CSRNP3: variants seen among roughly 807,000 people sequenced by gnomAD.
The protein encoded by CSRNP3 is cysteine and serine rich nuclear protein 3.
A neutral mutation model predicts 48.0 loss-of-function variants in CSRNP3; 12 were observed. That is an observed-to-expected ratio of 0.25 (90% CI 0.16 to 0.41). The LOEUF (loss-of-function observed/expected upper bound fraction) is 0.41, where lower values mean the gene tolerates loss of function less well. CSRNP3 is among the 10% of genes least tolerant of loss of function. The pLI is 1.00. For missense variants in CSRNP3, 580 were observed against 724.4 expected, an observed-to-expected ratio of 0.80 and a Z score of 2.29; for synonymous variants, 263 against 269.7, an observed-to-expected ratio of 0.98 and a Z score of 0.24.
intron 5 of CSRNP3, among the ~76,000 whole-genome samples, chr2:165,661,952 C>A (rs1402158519): frequency 6.6e-6 from 1 of 152,094 alleles, no homozygotes; most frequent in Admixed American, 6.6e-5. Flanking sequence ...AGAAGAAGTT[C>A]CTCTTTCCAC....
At position 165,534,105 on chromosome 2, in the gene CSRNP3, G is replaced by T. The variant is rs549693531; in HGVS notation, c.-24+16144G>T. Among the ~76,000 whole-genome samples, 37 of 152,130 alleles carry T rather than the reference G, an allele frequency of 2.4e-4. No individual in the cohort carries two copies. In the East Asian group the frequency reaches 6.5e-3, roughly 27 times the overall value. ...GAAATTTATCATCTCATCAAAGGTTGTATTGCTTTCTCAAGTAAAGGAAAT... is the reference window on the plus strand; with the variant it reads ...GAAATTTATCATCTCATCAAAGGTTTTATTGCTTTCTCAAGTAAAGGAAAT... On this transcript the variant is annotated intron_variant, in intron 3 of 6. Transcript: ENST00000651982.
chr2:165,679,123 A>G lies in CSRNP3; in HGVS notation c.1128A>G (p.Glu376=). ...PSESDEEEEE[E]EEEEEEEDDD... ...AGTCAGACGAGGAGGAGGAGGAAGA[A>G]GAAGAGGAAGAGGAGGAGGAGGATG... Residue 376 remains glutamate (E), a synonymous_variant, in exon 7 of 7, where the codon GAA becomes GAG. Transcript: ENST00000651982. 1.2e-6 allele frequency: 2 copies of G among 1,613,846 alleles called. No individual in the cohort carries two copies. The highest frequency in any genetic ancestry group is 1.7e-5 in the Admixed American group (1 of 59,992).
At chr2:165,576,204 T>C (rs765008360) in intron 3 of CSRNP3, among the ~76,000 whole-genome samples, 16 of 151,084 alleles carry the variant, frequency 1.1e-4, no homozygotes, top group Non-Finnish European at 1.6e-4. Flanking sequence ...ATTATGTATA[T>C]ACACACACAC....
chr2:165,666,975 G>GAAAGAGAGAGAGAGAAAGGAAGGAAGGAA lies in CSRNP3; in HGVS notation c.408+8956_408+8957insAAGAGAGAGAGAGAAAGGAAGGAAGGAAA, dbSNP rs1687233206. The stretch of plus-strand genomic sequence containing the variant: ...GAGAGGAAGGAAGGAAGGAAGGAAA[G>GAAAGAGAGAGAGAGAAAGGAAGGAAGGAA]AGAGAGAGGAAGAAAGAAAGAGAGA... On this transcript the variant is annotated intron_variant, in intron 5 of 6. Transcript: ENST00000651982. Among the ~76,000 whole-genome samples, 10 of 19,816 alleles carry GAAAGAGAGAGAGAGAAAGGAAGGAAGGAA rather than the reference G, an allele frequency of 5.0e-4. 2 individuals carry two copies. The highest frequency in any genetic ancestry group is 1.8e-3 in the Non-Finnish European group (9 of 4,944). The allele number at this position is 19,816 out of a possible 152,430, so 13.0% of individuals were successfully genotyped here. A position where few individuals can be genotyped will look rare whatever the true frequency, so the allele number is the denominator to read the frequency against.
intron 3 of CSRNP3, among the ~76,000 whole-genome samples, chr2:165,521,609 G>A (rs1273478110): frequency 6.6e-6 from 1 of 152,068 alleles, no homozygotes; most frequent in Admixed American, 6.5e-5. Context: ...CTCTGACCCT[G>A]TCTTCAAATT....
chr2:165,628,880 A>G (rs1686485336), intron 4 of CSRNP3, among the ~76,000 whole-genome samples: 1 of 152,222 alleles, frequency 6.6e-6, no homozygotes, highest in African/African-American at 2.4e-5. Context: ...AGCCTGGGCA[A>G]CATAGTGAGA....
In CSRNP3 at chr2:165,490,892, A is replaced by G. The variant is rs546928151; in HGVS notation, c.-282-3867A>G. Among the ~76,000 whole-genome samples, 42 of 131,456 alleles carry G rather than the reference A, an allele frequency of 3.2e-4. 4 individuals carry two copies. In the South Asian group the frequency reaches 8.8e-3, roughly 28 times the overall value. The allele number at this position is 131,456 out of a possible 152,430, so 86.2% of individuals were successfully genotyped here. On this transcript the variant is annotated intron_variant, in intron 1 of 6. Coordinates refer to ENST00000651982, the MANE Select transcript of CSRNP3 (RefSeq NM_001172173.2). ...ACCATTCAGGACATAGGCGTGGGCA[A>G]GGACTTCATGTCCAAAACACCAAAA...
chr2:165,666,373 G>GAT (rs1396987165), intron 5 of CSRNP3, among the ~76,000 whole-genome samples: 28 of 65,410 alleles, frequency 4.3e-4, no homozygotes, highest in African/African-American at 1.1e-3. Context: ...GAAAGAGAGA[G>GAT]GAAGAAAGAG....
rs1687588523 is a variant in CSRNP3 at position 165,683,994 on chromosome 2, C to T, written c.*4241C>T. ...AAAAGAAATTTTCGATTAATTGCTT[C>T]TTCAATGTTAGACCTATATAAGTGA... On this transcript the variant is annotated 3_prime_UTR_variant, in exon 7 of 7. Transcript: ENST00000651982. 1 of 152,104 alleles carries T rather than the reference C, an allele frequency of 6.6e-6. No individual in the cohort carries two copies. The highest frequency in any genetic ancestry group is 1.5e-5 in the Non-Finnish European group (1 of 67,982). The allele number at this position is 152,104 out of a possible 1,614,324, so 9.4% of individuals were successfully genotyped here.
chr2:165,512,590 A>T (rs1382609246), intron 2 of CSRNP3, among the ~76,000 whole-genome samples: 1 of 152,212 alleles, frequency 6.6e-6, no homozygotes, highest in African/African-American at 2.4e-5. Flanking sequence ...TCTTTTGGAA[A>T]CATTTTTTGT....
intron 4 of CSRNP3, among the ~76,000 whole-genome samples, chr2:165,648,278 A>G (rs925778678): frequency 4.6e-5 from 7 of 152,132 alleles, no homozygotes; most frequent in Non-Finnish European, 2.9e-5. Flanking sequence ...AAAAATTAGT[A>G]GATCACTCAG....
At position 165,577,241 on chromosome 2, in the gene CSRNP3, A is replaced by G. The variant is rs1475090190; in HGVS notation, c.-23-17802A>G. Among the ~76,000 whole-genome samples, 6 of 151,942 alleles carry G rather than the reference A, an allele frequency of 3.9e-5. No individual in the cohort carries two copies. In the South Asian group the frequency reaches 8.3e-4, roughly 21 times the overall value. On this transcript the variant is annotated intron_variant, in intron 3 of 6. Coordinates refer to ENST00000651982, the MANE Select transcript of CSRNP3 (RefSeq NM_001172173.2). ...AACAATCACATTTCTCTATTTTAAT[A>G]TAATATTTTAAAAGAAAACAAAACA... is the stretch of plus-strand genomic sequence containing the variant.
intron 1 of CSRNP3, among the ~76,000 whole-genome samples, chr2:165,471,974 A>AT (rs796914961): frequency 7.9e-5 from 12 of 150,980 alleles, no homozygotes; most frequent in Admixed American, 6.6e-4. Flanking sequence ...AGGCATCACC[A>AT]TTTTTTTTTC....
chr2:165,646,249 T>C (rs1258319037), intron 4 of CSRNP3, among the ~76,000 whole-genome samples: 1 of 152,136 alleles, frequency 6.6e-6, no homozygotes, highest in African/African-American at 2.4e-5. Flanking sequence ...TTCAAGTATG[T>C]GGTTTTGGGC....
chr2:165,617,988 G>T (rs1686278981), intron 4 of CSRNP3, among the ~76,000 whole-genome samples: 1 of 152,224 alleles, frequency 6.6e-6, no homozygotes, highest in African/African-American at 2.4e-5. Flanking sequence ...CCAGGGCAGG[G>T]TGTAGTCTGA....
chr2:165,644,195 A>G (rs1037691420), intron 4 of CSRNP3, among the ~76,000 whole-genome samples: 2 of 152,194 alleles, frequency 1.3e-5, no homozygotes, highest in Non-Finnish European at 2.9e-5. Context: ...GTCTTCTGAT[A>G]TGTAAAATAT....
chr2:165,524,711 A>T (rs1684710211), intron 3 of CSRNP3, among the ~76,000 whole-genome samples: 1 of 152,330 alleles, frequency 6.6e-6, no homozygotes. Context: ...AATCTTTACC[A>T]TCTGACCTCT....
intron 4 of CSRNP3, among the ~76,000 whole-genome samples, chr2:165,603,891 A>C (rs74947463): frequency 0.018 from 2,815 of 152,276 alleles, 84 homozygotes; most frequent in African/African-American, 0.065. Context: ...TGTACAGCAG[A>C]GCTTGCTTTC....
chr2:165,539,233 A>T (rs555008224), intron 3 of CSRNP3, among the ~76,000 whole-genome samples: 1 of 152,080 alleles, frequency 6.6e-6, no homozygotes, highest in Non-Finnish European at 1.5e-5. Context: ...CACTGTTTTT[A>T]CTCTGTGGCT....
Sources: allele counts gnomAD v4.1 joint callset (sites outside exome capture counted in the v4.1 genomes callset), GRCh38; gene constraint gnomAD v4.1.1; transcripts MANE v1.5; gene names NCBI Gene and HGNC (gene_info 2026-07-23, HGNC 2026-07-21).